BBX: variants seen among roughly 807,000 people sequenced by gnomAD.
BBX encodes BBX high mobility group box domain containing.
Under a neutral mutation model 100.2 loss-of-function variants are expected in BBX, and 30 were observed. The ratio of observed to expected loss-of-function variants is 0.30; its 90% CI spans 0.22 to 0.41. The LOEUF is 0.41. Among genes scored for constraint, BBX ranks in the 10% least tolerant of loss-of-function variants. The probability of loss-of-function intolerance (pLI) is 1.00; values close to 1 mark genes in which losing one functional copy is unlikely to be tolerated. For synonymous variants in BBX, 376 were observed against 388.1 expected (o/e 0.97, Z 0.37); for missense variants, 1,023 against 1,129.8 (o/e 0.91, Z 1.35).
chr3:107,797,337 AAT>A (rs369837058), intron 15 of BBX, among the ~76,000 whole-genome samples: 1,752 of 39,278 alleles, frequency 0.045, 217 homozygotes, highest in African/African-American at 0.12. Context: ...TTTTCTTCCA[AAT>A]ATATATATAT....
At chr3:107,563,819 AC>A (rs1354181548) in intron 2 of BBX, among the ~76,000 whole-genome samples, 1 of 152,170 alleles carries the variant, frequency 6.6e-6, no homozygotes, top group African/African-American at 2.4e-5. Context: ...CATGTATTAA[AC>A]ACTCAGCAAA....
At chr3:107,663,159 G>A (rs2058550775) in intron 3 of BBX, among the ~76,000 whole-genome samples, 1 of 152,130 alleles carries the variant, frequency 6.6e-6, no homozygotes, top group Non-Finnish European at 1.5e-5. Context: ...TAGACTCTCT[G>A]TATGTCCCTA....
In BBX at chr3:107,772,949, T is replaced by C; in HGVS notation, c.1228T>C (p.Ser410Pro). Reference protein sequence around the residue: ...DHKCSHFPDFSYSASSKIIIS... With the variant: ...DHKCSHFPDFPYSASSKIIIS... Reference sequence around the variant, plus strand: ...CAAATGTAGTCATTTTCCTGATTTTTCTTATTCTGCCAGTAGCAAGATAAT... The same window carrying C: ...CAAATGTAGTCATTTTCCTGATTTTCCTTATTCTGCCAGTAGCAAGATAAT... The change falls in exon 11 of 18, where the codon TCT becomes CCT. Residue 410 changes from serine (S) to proline (P), a missense_variant. Around this residue, in one of 9 missense-constraint regions of BBX, gnomAD observed 348 missense variants for 353.2 expected, o/e 0.99. Transcript: ENST00000325805. The C allele has an allele frequency of 1.2e-6, 2 of 1,612,566 alleles. No homozygotes were observed. Among genetic ancestry groups the C allele is most frequent in the Non-Finnish European group, 8.5e-7 (1 of 1,179,658 alleles).
chr3:107,743,677 C>G (rs1157685610), intron 7 of BBX, among the ~76,000 whole-genome samples: 1 of 152,160 alleles, frequency 6.6e-6, no homozygotes, highest in Non-Finnish European at 1.5e-5. Flanking sequence ...ACTAGTAGCT[C>G]TTTCCATAGG....
At chr3:107,753,315 G>A (rs937753190) in intron 9 of BBX, among the ~76,000 whole-genome samples, 14 of 152,018 alleles carry the variant, frequency 9.2e-5, no homozygotes, top group African/African-American at 2.7e-4. Context: ...TTTAGAAATC[G>A]TATCTCACAC....
chr3:107,793,534 T>C (rs2069276026), intron 15 of BBX, among the ~76,000 whole-genome samples: 1 of 152,194 alleles, frequency 6.6e-6, no homozygotes, highest in South Asian at 2.1e-4. Flanking sequence ...GTAGTGACTA[T>C]GTGCTTTGTG....
chr3:107,763,320 GT>G (rs897340171), intron 10 of BBX, among the ~76,000 whole-genome samples: 7 of 151,396 alleles, frequency 4.6e-5, no homozygotes, highest in African/African-American at 1.7e-4. Context: ...CGCCTCCCGG[GT>G]TCACGCCACT....
At chr3:107,597,520 A>G (rs1055036913) in intron 2 of BBX, among the ~76,000 whole-genome samples, 11 of 152,152 alleles carry the variant, frequency 7.2e-5, no homozygotes, top group African/African-American at 2.4e-4. Context: ...TAGTATATGA[A>G]TATTATTGGG....
At chr3:107,678,802 A>T (rs189115423) in intron 3 of BBX, among the ~76,000 whole-genome samples, 1 of 152,190 alleles carries the variant, frequency 6.6e-6, no homozygotes, top group Admixed American at 6.5e-5. Flanking sequence ...ATTAATTATG[A>T]TGATAATGAT....
chr3:107,640,958 C>T (rs1283980287), intron 2 of BBX, among the ~76,000 whole-genome samples: 4 of 152,222 alleles, frequency 2.6e-5, no homozygotes, highest in South Asian at 2.1e-4. Flanking sequence ...CCAGCGCACC[C>T]GGTCTGTTAA....
intron 10 of BBX, among the ~76,000 whole-genome samples, chr3:107,769,305 A>G (rs1281325703): frequency 3.9e-5 from 6 of 152,114 alleles, no homozygotes; most frequent in East Asian, 3.8e-4. Context: ...AAGCTTTGTA[A>G]AGCTTTGTAT....
rs1195067617 is a variant in BBX at position 107,524,616 on chromosome 3, G to C, written c.-156+1509G>C. ...CTAAGACACAACATGTACGACAGAGGGGGGGGGGGGGAGAGGGAGAGACAG... is the reference window on the plus strand; with the variant it reads ...CTAAGACACAACATGTACGACAGAGCGGGGGGGGGGGAGAGGGAGAGACAG... On this transcript the variant is annotated intron_variant, in intron 1 of 17. Transcript: ENST00000325805. 3 of 11,060 alleles carry C rather than the reference G, an allele frequency of 2.7e-4. No individual in the cohort carries two copies. In the East Asian group the frequency reaches 0.024, roughly 89 times the overall value. The allele number at this position is 11,060 out of a possible 1,614,324, so 0.7% of individuals were successfully genotyped here.
rs184703038 is a variant in BBX, at chr3:107,806,242, G to A, written c.*785G>A. The A allele has an allele frequency of 6.6e-6, 1 of 152,306 alleles. No homozygotes were observed. The highest frequency in any genetic ancestry group is 6.5e-5 in the Admixed American group (1 of 15,298). 9.4% of individuals were successfully genotyped at this position (152,306 alleles called of 1,614,324 possible). ...GTGGCAAATATTTTCCCAGACAGGGGAAGAGTCCTGCAGATTACAGATTAC... is the reference window on the plus strand; with the variant it reads ...GTGGCAAATATTTTCCCAGACAGGGAAAGAGTCCTGCAGATTACAGATTAC... On this transcript the variant is annotated 3_prime_UTR_variant, in exon 18 of 18. Transcript: ENST00000325805.
intron 2 of BBX, among the ~76,000 whole-genome samples, chr3:107,584,001 AT>A (rs1168033087): frequency 2.3e-5 from 2 of 87,680 alleles, no homozygotes; most frequent in East Asian, 5.8e-4. Flanking sequence ...TTATTATATT[AT>A]TATATATATT....
intron 2 of BBX, among the ~76,000 whole-genome samples, chr3:107,549,685 C>T (rs1204869198): frequency 6.6e-6 from 1 of 152,140 alleles, no homozygotes; most frequent in Non-Finnish European, 1.5e-5. Flanking sequence ...GCCTGGTACT[C>T]TGGATGGCTT....
At chr3:107,757,105 A>G (rs188821619) in intron 10 of BBX, among the ~76,000 whole-genome samples, 16 of 152,300 alleles carry the variant, frequency 1.1e-4, no homozygotes, top group South Asian at 4.1e-4. Flanking sequence ...ATGTGGGCAC[A>G]CATATATAGG....
chr3:107,753,561 G>A (rs2065240741), intron 9 of BBX, among the ~76,000 whole-genome samples: 1 of 152,178 alleles, frequency 6.6e-6, no homozygotes, highest in Admixed American at 6.5e-5. Context: ...TGACAGCTTT[G>A]CTTTAACTCT....
At chr3:107,747,935 G>T in intron 8 of BBX, 30 bp from the exon 9 acceptor site, 1 of 1,560,616 alleles carries the variant, frequency 6.4e-7, no homozygotes, top group African/African-American at 1.4e-5. Flanking sequence ...AAATGTCATT[G>T]TATATTAAAA....
At chr3:107,616,417 G>A (rs2055285774) in intron 2 of BBX, among the ~76,000 whole-genome samples, 1 of 152,068 alleles carries the variant, frequency 6.6e-6, no homozygotes, top group African/African-American at 2.4e-5. Context: ...TATAATAGGT[G>A]CATATTCAGT....
Sources: allele counts gnomAD v4.1 joint callset (sites outside exome capture counted in the v4.1 genomes callset), GRCh38; gene constraint gnomAD v4.1.1; regional missense constraint gnomAD v4.1.1; transcripts MANE v1.5; gene names NCBI Gene and HGNC (gene_info 2026-07-23, HGNC 2026-07-21).